Variants in PCDH11X observed in about 807,000 individuals in gnomAD.
The protein encoded by PCDH11X is protocadherin-11 X-linked.
A neutral mutation model predicts 53.3 loss-of-function variants in PCDH11X; 18 were observed. The observed-to-expected ratio is 0.34, with a 90% confidence interval of 0.23 to 0.50. The LOEUF is 0.50. PCDH11X is among the 20% of genes least tolerant of loss of function. PCDH11X has a pLI of 0.98. For synonymous variants in PCDH11X, 279 were observed against 393.3 expected, an observed-to-expected ratio of 0.71 and a Z score of 3.44; for missense variants, 570 against 1,032.4, an observed-to-expected ratio of 0.55 and a Z score of 6.14.
intron 6 of PCDH11X, among the ~76,000 whole-genome samples, chrX:91,950,444 A>G (rs1380250856): frequency 9.2e-6 from 1 of 108,295 alleles, no homozygotes; most frequent in Non-Finnish European, 1.9e-5. Context: ...ACCTAGAATA[A>G]CAGCCACCAG....
At chrX:92,611,501 C>T (rs1927377740) in intron 10 of PCDH11X, among the ~76,000 whole-genome samples, 1 of 110,445 alleles carries the variant, frequency 9.1e-6, no homozygotes, top group African/African-American at 3.3e-5. Flanking sequence ...TTAGGGTTTT[C>T]TACATATTGA....
intron 9 of PCDH11X, among the ~76,000 whole-genome samples, chrX:92,453,658 C>A (rs2750724): frequency 0.37 from 40,505 of 109,611 alleles, 7,205 homozygotes; most frequent in African/African-American, 0.7. Context: ...AATTATTTTT[C>A]AATAATTTTT....
intron 6 of PCDH11X, among the ~76,000 whole-genome samples, chrX:92,169,782 G>A (rs1207843203): frequency 9.1e-6 from 1 of 110,429 alleles, no homozygotes; most frequent in Admixed American, 9.7e-5. Flanking sequence ...GACTATATTT[G>A]TGCATAACAA....
At chrX:92,443,707 T>C (rs764035180) in intron 9 of PCDH11X, among the ~76,000 whole-genome samples, 1 of 111,298 alleles carries the variant, frequency 9.0e-6, no homozygotes, top group Admixed American at 9.6e-5. Context: ...TTGTATGTGG[T>C]AAAAGGTATG....
In PCDH11X at chrX:91,835,634, T is replaced by C. The variant is rs757297224; in HGVS notation, c.130T>C (p.Leu44=). The change falls in exon 5 of 11, where the codon TTG becomes CTG. Residue 44 remains leucine (L), a synonymous_variant. Transcript: ENST00000682573. The part of the protein sequence containing the change: ...MPENVLIGDL[L]KDLNLSLIPN... ...AGAAAACGTCCTGATAGGCGACTTG[T>C]TGAAAGACCTTAACTTGTCGCTGAT... The C allele has an allele frequency of 2.5e-6, 3 of 1,208,641 alleles. No individual in the cohort carries two copies. The highest frequency in any genetic ancestry group is 3.5e-5 in the African/African-American group (2 of 56,735).
intron 6 of PCDH11X, among the ~76,000 whole-genome samples, chrX:91,911,999 C>T (rs1264451979): frequency 3.6e-5 from 4 of 111,301 alleles, no homozygotes; most frequent in African/African-American, 9.8e-5. Flanking sequence ...AGATCTTTAA[C>T]TTCTTTAAAT....
chrX:91,814,343 T>C (rs1417955679), intron 4 of PCDH11X, among the ~76,000 whole-genome samples: 1 of 111,009 alleles, frequency 9.0e-6, no homozygotes, highest in Non-Finnish European at 1.9e-5. Flanking sequence ...AAAAATGTTA[T>C]GAAGGGTTAT....
At chrX:92,072,190 A>G (rs1430381541) in intron 6 of PCDH11X, among the ~76,000 whole-genome samples, 1 of 110,099 alleles carries the variant, frequency 9.1e-6, no homozygotes, top group African/African-American at 3.3e-5. Flanking sequence ...CTTTATGGCA[A>G]TGGACTCCCT....
intron 10 of PCDH11X, among the ~76,000 whole-genome samples, chrX:92,552,719 T>C (rs1304552361): frequency 9.0e-6 from 1 of 111,029 alleles, no homozygotes; most frequent in Non-Finnish European, 1.9e-5. Context: ...CTATACCCAT[T>C]TCTTTGAGGG....
intron 8 of PCDH11X, among the ~76,000 whole-genome samples, chrX:92,319,709 T>C (rs1320275681): frequency 9.0e-6 from 1 of 111,050 alleles, no homozygotes; most frequent in African/African-American, 3.3e-5. Context: ...CTAACTCAGA[T>C]AGGATTATCA....
intron 6 of PCDH11X, among the ~76,000 whole-genome samples, chrX:92,193,428 G>A (rs994459649): frequency 1.5e-4 from 17 of 110,644 alleles, no homozygotes; most frequent in African/African-American, 5.3e-4. Flanking sequence ...TTACTATATC[G>A]TGCTTTTCTT....
intron 9 of PCDH11X, among the ~76,000 whole-genome samples, chrX:92,443,203 G>A (rs962514963): frequency 2.8e-4 from 31 of 111,566 alleles, no homozygotes; most frequent in Admixed American, 1.1e-3. Context: ...CCACTGGTAT[G>A]AGATGGTATC....
chrX:92,253,407 G>A (rs779177015), intron 7 of PCDH11X, among the ~76,000 whole-genome samples: 2 of 110,988 alleles, frequency 1.8e-5, no homozygotes, highest in East Asian at 2.9e-4. Context: ...GCTTTGGATG[G>A]CTTTGGCTAT....
Position 92,141,857 on chromosome X carries a change from C to T in PCDH11X, c.3034-59518C>T, listed in dbSNP as rs186210726. Among the ~76,000 whole-genome samples the T allele has an allele frequency of 5.3e-3, 593 of 111,232 alleles. 4 individuals carry two copies. The highest frequency in any genetic ancestry group is 8.8e-3 in the Non-Finnish European group (467 of 53,038). On this transcript the variant is annotated intron_variant, in intron 6 of 10. Coordinates refer to ENST00000682573, the MANE Select transcript of PCDH11X (RefSeq NM_032968.5). ...ACTTAAGAACATGTTTCTGATTCCCCGGAATTGAGATATTCTACTTGTTCT... is the reference window on the plus strand; with the variant it reads ...ACTTAAGAACATGTTTCTGATTCCCTGGAATTGAGATATTCTACTTGTTCT...
At chrX:92,396,337 G>A (rs2148583139) in intron 9 of PCDH11X, among the ~76,000 whole-genome samples, 1 of 96,924 alleles carries the variant, frequency 1.0e-5, no homozygotes, top group Admixed American at 1.2e-4. Context: ...TGAAATTCCT[G>A]TGTAACTCTA....
At chrX:92,390,559 A>G (rs2071107131) in intron 9 of PCDH11X, among the ~76,000 whole-genome samples, 1 of 109,007 alleles carries the variant, frequency 9.2e-6, no homozygotes, top group Non-Finnish European at 1.9e-5. Flanking sequence ...GATATGGAGC[A>G]GATGCCAATA....
intron 8 of PCDH11X, among the ~76,000 whole-genome samples, chrX:92,365,222 C>A (rs1211892167): frequency 1.2e-5 from 1 of 86,706 alleles, no homozygotes; most frequent in Non-Finnish European, 2.3e-5. Context: ...GTTAACTTTT[C>A]TTTTTTCAAT....
intron 8 of PCDH11X, among the ~76,000 whole-genome samples, chrX:92,288,273 T>A (rs1406106872): frequency 4.5e-5 from 5 of 111,525 alleles, no homozygotes; most frequent in Non-Finnish European, 7.5e-5. Context: ...TAGTTTTTCC[T>A]TTCTGTAGCT....
intron 6 of PCDH11X, among the ~76,000 whole-genome samples, chrX:91,892,046 TTAG>T (rs1209184248): frequency 1.1e-5 from 1 of 93,581 alleles, no homozygotes. Flanking sequence ...TGTGTGTGTG[TTAG>T]AGAGAGAGAG....
Sources: allele counts gnomAD v4.1 joint callset (sites outside exome capture counted in the v4.1 genomes callset), GRCh38; gene constraint gnomAD v4.1.1; transcripts MANE v1.5; gene names NCBI Gene and HGNC (gene_info 2026-07-23, HGNC 2026-07-21).